The following CAPS2 variants were observed in gnomAD, a reference collection of about 807,000 sequenced individuals.
CAPS2 encodes the protein calcyphosin-2.
In CAPS2, 98 loss-of-function variants were observed where a neutral mutation model predicts 86.5. That is an observed-to-expected ratio of 1.13 (90% CI 0.96 to 1.34). CAPS2 has a LOEUF of 1.34. CAPS2 is among the 40% of genes most tolerant of loss of function. The probability of loss-of-function intolerance (pLI) is 0.00; values close to 1 mark genes in which losing one functional copy is unlikely to be tolerated. For synonymous variants in CAPS2, 210 were observed against 225.1 expected, an observed-to-expected ratio of 0.93 and a Z score of 0.60; for missense variants, 729 against 686.8, an observed-to-expected ratio of 1.06 and a Z score of -0.69.
intron 1 of CAPS2, chr12:75,344,087 T>C (rs538557779): frequency 3.4e-6 from 2 of 584,468 alleles, no homozygotes; most frequent in Admixed American, 7.2e-5. Context: ...TTAATAATAA[T>C]ATACCAAAGT....
exon 17 of CAPS2, chr12:75,277,819 T>A: frequency 1.1e-6 from 1 of 896,394 alleles, no homozygotes; most frequent in Non-Finnish European, 1.3e-6. Flanking sequence ...TGAAAACAAC[T>A]CATAAAGTTG....
At chr12:75,311,727 A>C (rs1348858807) in intron 7 of CAPS2, among the ~76,000 whole-genome samples, 6 of 139,238 alleles carry the variant, frequency 4.3e-5, no homozygotes, top group African/African-American at 1.3e-4. Flanking sequence ...AAAAAAACAA[A>C]AAAAAAAAAA....
upstream of CAPS2, among the ~76,000 whole-genome samples, chr12:75,331,854 C>T (rs547793903): frequency 1.3e-5 from 2 of 152,080 alleles, no homozygotes; most frequent in Non-Finnish European, 2.9e-5. Flanking sequence ...TGAGCCACCG[C>T]GCCCGGCCTA....
At chr12:75,372,829 C>A (rs1018213438) in intron 1 of CAPS2, among the ~76,000 whole-genome samples, 4 of 152,216 alleles carry the variant, frequency 2.6e-5, no homozygotes, top group African/African-American at 9.7e-5. Context: ...CACTGTTGCA[C>A]TTCTTTAGCC....
At chr12:75,359,612 T>G (rs141977781) in intron 1 of CAPS2, among the ~76,000 whole-genome samples, 8 of 152,052 alleles carry the variant, frequency 5.3e-5, no homozygotes, top group Non-Finnish European at 1.0e-4. Context: ...CCCAACATTG[T>G]GGTATTTGCA....
chr12:75,312,717 TA>T, intron 7 of CAPS2, 130 bp downstream of exon 7: 1 of 589,980 alleles, frequency 1.7e-6, no homozygotes, highest in Non-Finnish European at 3.0e-6. Context: ...AACGGTGCAG[TA>T]AACAGAGAAA....
intron 4 of CAPS2, 81 bp from the exon 5 acceptor site, chr12:75,321,657 T>A: frequency 1.0e-6 from 1 of 957,750 alleles, no homozygotes; most frequent in Non-Finnish European, 1.6e-6. Context: ...GTTTACCTCT[T>A]ACCTTAGCAT....
intron 11 of CAPS2, among the ~76,000 whole-genome samples, chr12:75,296,087 C>A (rs541657975): frequency 2.6e-5 from 4 of 152,202 alleles, no homozygotes; most frequent in African/African-American, 9.6e-5. Context: ...CTTAGTAGAA[C>A]ACAGCAGTTT....
At chr12:75,313,499 G>A (rs2039441118) in intron 6 of CAPS2, among the ~76,000 whole-genome samples, 1 of 152,142 alleles carries the variant, frequency 6.6e-6, no homozygotes, top group Non-Finnish European at 1.5e-5. Flanking sequence ...GCTTGATTAA[G>A]CTTTCTTAAT....
intron 16 of CAPS2, among the ~76,000 whole-genome samples, chr12:75,279,649 C>T (rs539337260): frequency 2.0e-5 from 3 of 151,878 alleles, no homozygotes; most frequent in Non-Finnish European, 4.4e-5. Context: ...ATGAAATCTA[C>T]TTTGAATATT....
intron 5 of CAPS2, among the ~76,000 whole-genome samples, chr12:75,320,683 C>G (rs1372262114): frequency 6.6e-6 from 1 of 151,746 alleles, no homozygotes; most frequent in Non-Finnish European, 1.5e-5. Context: ...ATTAAAACGT[C>G]CCTGGAAACA....
intron 1 of CAPS2, among the ~76,000 whole-genome samples, chr12:75,344,706 T>C (rs1402655260): frequency 1.3e-5 from 2 of 152,190 alleles, no homozygotes; most frequent in Non-Finnish European, 1.5e-5. Flanking sequence ...TTTTGCCTTG[T>C]TGAGTGCTGG....
chr12:75,328,876 A>G (rs141414887), upstream of CAPS2, among the ~76,000 whole-genome samples: 329 of 152,342 alleles, frequency 2.2e-3, no homozygotes, highest in East Asian at 4.8e-3. Context: ...TGGTTAACTT[A>G]GATATAGTAA....
At chr12:75,288,135 C>T (rs1456889337) in intron 14 of CAPS2, among the ~76,000 whole-genome samples, 1 of 152,174 alleles carries the variant, frequency 6.6e-6, no homozygotes, top group South Asian at 2.1e-4. Context: ...TAAGCAAAGA[C>T]ATCAAGGCTT....
Position 75,298,565 on chromosome 12 carries a change from C to T in CAPS2, c.1044+122G>A, listed in dbSNP as rs544780343. ...TCAACCATTAGCCCACACAAATGAC[C>T]CTGTTCAGGATGCAGGAGAGGAAAT... On this transcript the variant is annotated intron_variant, in intron 11 of 16. Transcript: ENST00000393284. 10 of 683,586 alleles carry T rather than the reference C, an allele frequency of 1.5e-5. No homozygotes were observed. The East Asian group carries it at 2.4e-4, about 17-fold the overall frequency. The allele number at this position is 683,586 out of a possible 1,614,324, so 42.3% of individuals were successfully genotyped here.
At chr12:75,331,885 A>T (rs569766431), upstream of CAPS2, among the ~76,000 whole-genome samples, 14 of 152,350 alleles carry the variant, frequency 9.2e-5, no homozygotes, top group African/African-American at 3.4e-4. Flanking sequence ...TTAAAAAGTT[A>T]TAAAAGAACT....
At chr12:75,354,082 T>C (rs973104505) in intron 1 of CAPS2, among the ~76,000 whole-genome samples, 1 of 139,850 alleles carries the variant, frequency 7.2e-6, no homozygotes, top group Non-Finnish European at 1.5e-5. Flanking sequence ...AAAACCAGTA[T>C]AAGACAAAAA....
chr12:75,317,087 C>T (rs1161548054), intron 5 of CAPS2, among the ~76,000 whole-genome samples: 2 of 152,128 alleles, frequency 1.3e-5, no homozygotes, highest in Non-Finnish European at 2.9e-5. Context: ...CTTAATACTC[C>T]TCTCTGTCTT....
intron 1 of CAPS2, among the ~76,000 whole-genome samples, chr12:75,355,925 C>A (rs1306529177): frequency 6.6e-6 from 1 of 152,050 alleles, no homozygotes; most frequent in Non-Finnish European, 1.5e-5. Context: ...GGGAGCTGAA[C>A]AATGGGAACG....
Sources: gnomAD v4.1 joint callset for allele counts (sites outside exome capture counted in the v4.1 genomes callset) on GRCh38, gnomAD v4.1.1 for gene constraint, MANE v1.5 for transcripts, NCBI Gene and HGNC (gene_info 2026-07-23, HGNC 2026-07-21) for gene names.